Variants in ARB2A observed in about 807,000 individuals in gnomAD.
ARB2A encodes the protein cotranscriptional regulator ARB2A.
chr5:93,741,583 G>T, the ARB2A span: 2 of 1,500,036 alleles, frequency 1.3e-6, no homozygotes, highest in African/African-American at 2.8e-5. Flanking sequence ...GGCACCCGCA[G>T]CGGCTCTGGT....
the ARB2A span, among the ~76,000 whole-genome samples, chr5:93,761,336 G>C: frequency 6.6e-6 from 1 of 152,154 alleles, no homozygotes; most frequent in African/African-American, 2.4e-5. Flanking sequence ...ACGGCACCTG[G>C]AAAATCGGGT....
the ARB2A span, among the ~76,000 whole-genome samples, chr5:94,016,236 A>G: frequency 6.6e-6 from 1 of 152,240 alleles, no homozygotes; most frequent in Admixed American, 6.5e-5. Flanking sequence ...AAAAGGAGAT[A>G]CACACACATA....
chr5:93,939,485 A>G, the ARB2A span, among the ~76,000 whole-genome samples: 2 of 152,106 alleles, frequency 1.3e-5, no homozygotes, highest in African/African-American at 4.8e-5. Flanking sequence ...TTATTTTAAA[A>G]TTGCTAAGCC....
chr5:93,761,775 G>A, the ARB2A span, among the ~76,000 whole-genome samples: 1 of 152,154 alleles, frequency 6.6e-6, no homozygotes, highest in Non-Finnish European at 1.5e-5. Context: ...GGGTCCCTGA[G>A]CCCCGAGTAG....
the ARB2A span, chr5:93,682,925 G>A: frequency 6.4e-7 from 1 of 1,571,070 alleles, no homozygotes; most frequent in Non-Finnish European, 8.7e-7. Context: ...GATGAATTTG[G>A]CTTCCACTTT....
chr5:94,092,237 T>A, the ARB2A span, among the ~76,000 whole-genome samples: 1 of 151,982 alleles, frequency 6.6e-6, no homozygotes, highest in African/African-American at 2.4e-5. Flanking sequence ...TCCCAACTAC[T>A]CAGGAGTCTG....
chr5:93,710,217 G>A, the ARB2A span, among the ~76,000 whole-genome samples: 1 of 152,138 alleles, frequency 6.6e-6, no homozygotes, highest in Non-Finnish European at 1.5e-5. Flanking sequence ...GATATAAATG[G>A]CTGCCATTTT....
At chr5:93,773,791 GTTCTGTC>G in the ARB2A span, among the ~76,000 whole-genome samples, 2 of 152,122 alleles carry the variant, frequency 1.3e-5, no homozygotes, top group Non-Finnish European at 2.9e-5. Flanking sequence ...ATGGGGTCTT[GTTCTGTC>G]TTCTAAGTTG....
the ARB2A span, among the ~76,000 whole-genome samples, chr5:93,973,370 G>GA: frequency 6.6e-6 from 1 of 151,702 alleles, no homozygotes; most frequent in Non-Finnish European, 1.5e-5. Flanking sequence ...CAAAAATAAA[G>GA]AAAAAATAAT....
chr5:93,885,601 A>T, the ARB2A span, among the ~76,000 whole-genome samples: 1 of 151,744 alleles, frequency 6.6e-6, no homozygotes, highest in South Asian at 2.1e-4. Flanking sequence ...TTGTTAATTA[A>T]CTCATGTTTG....
chr5:94,086,669 C>G, the ARB2A span, among the ~76,000 whole-genome samples: 1 of 152,162 alleles, frequency 6.6e-6, no homozygotes, highest in South Asian at 2.1e-4. Flanking sequence ...TCTCCTGCCT[C>G]AGACTCCCGA....
chr5:93,657,658 G>A, the ARB2A span, among the ~76,000 whole-genome samples: 1 of 152,146 alleles, frequency 6.6e-6, no homozygotes, highest in Non-Finnish European at 1.5e-5. Flanking sequence ...AGACATAGGT[G>A]TCATCCTTGA....
At chr5:93,770,121 G>A in the ARB2A span, among the ~76,000 whole-genome samples, 12 of 152,210 alleles carry the variant, frequency 7.9e-5, no homozygotes, top group Middle Eastern at 0.01. Context: ...TCTTAAACCC[G>A]AAGGTATCAG....
chr5:93,847,941 G>C, the ARB2A span, among the ~76,000 whole-genome samples: 1 of 152,018 alleles, frequency 6.6e-6, no homozygotes, highest in Non-Finnish European at 1.5e-5. Context: ...AAAGGCCTGC[G>C]GTTTTAACTT....
chr5:93,832,055 T>C, the ARB2A span, among the ~76,000 whole-genome samples: 1 of 152,172 alleles, frequency 6.6e-6, no homozygotes, highest in Admixed American at 6.5e-5. Flanking sequence ...GGACCACACT[T>C]GATATCCATT....
At chr5:93,904,631 T>C in the ARB2A span, among the ~76,000 whole-genome samples, 2 of 151,952 alleles carry the variant, frequency 1.3e-5, no homozygotes, top group African/African-American at 2.4e-5. Flanking sequence ...TACAAATGCA[T>C]TGCACATTGC....
chr5:94,085,422 G>C, the ARB2A span, among the ~76,000 whole-genome samples: 1 of 152,126 alleles, frequency 6.6e-6, no homozygotes, highest in Non-Finnish European at 1.5e-5. Flanking sequence ...GGTTTGACTG[G>C]GGACAGAGGA....
the ARB2A span, among the ~76,000 whole-genome samples, chr5:93,656,870 C>A: frequency 6.6e-6 from 1 of 151,904 alleles, no homozygotes; most frequent in Non-Finnish European, 1.5e-5. Context: ...GATACCAGGG[C>A]TATTTATTTG....
chr5:93,950,613 A>G, the ARB2A span, among the ~76,000 whole-genome samples: 1 of 138,648 alleles, frequency 7.2e-6, no homozygotes, highest in Non-Finnish European at 1.6e-5. Context: ...ACTGCACTGC[A>G]GCCTGGGTGA....
Sources: gnomAD v4.1 joint callset for allele counts (sites outside exome capture counted in the v4.1 genomes callset) on GRCh38, gnomAD v4.1.1 for gene constraint, MANE v1.5 for transcripts, NCBI Gene and HGNC (gene_info 2026-07-23, HGNC 2026-07-21) for gene names.